The following CD109 variants were observed in gnomAD, a reference collection of about 807,000 sequenced individuals.
CD109 encodes the protein CD109 molecule.
A neutral mutation model predicts 165.8 loss-of-function variants in CD109; 149 were observed. That is an observed-to-expected ratio of 0.90 (90% CI 0.79 to 1.03). The LOEUF is 1.03. Among genes scored for constraint, CD109 ranks in the 50% least tolerant of loss-of-function variants. CD109 has a pLI of 0.00. For synonymous variants in CD109, 585 were observed against 592.1 expected, an observed-to-expected ratio of 0.99 and a Z score of 0.18; for missense variants, 1,712 against 1,677.8, an observed-to-expected ratio of 1.02 and a Z score of -0.36.
chr6:73,807,953 C>T, intron 25 of CD109, 130 bp from the exon 26 acceptor site: 1 of 685,172 alleles, frequency 1.5e-6, no homozygotes, highest in South Asian at 2.1e-5. Context: ...TTTTCATTGC[C>T]TAGTACAAGG....
chr6:73,791,528 T>A (rs1366526023), intron 22 of CD109, among the ~76,000 whole-genome samples: 6 of 151,830 alleles, frequency 4.0e-5, no homozygotes, highest in African/African-American at 1.5e-4. Flanking sequence ...ATATGTACCA[T>A]CACTCCTTAC....
intron 5 of CD109, among the ~76,000 whole-genome samples, chr6:73,747,832 C>T (rs1773035671): frequency 6.6e-6 from 1 of 151,698 alleles, no homozygotes; most frequent in Non-Finnish European, 1.5e-5. Flanking sequence ...ATATTCAGGC[C>T]TTCATCAATT....
In CD109 at chr6:73,783,877, A is replaced by G. The variant is rs149232199; in HGVS notation, c.2223+53A>G. 3.9e-3 allele frequency: 3,763 copies of G among 968,930 alleles called. 14 individuals are homozygous for G. The highest frequency in any genetic ancestry group is 5.2e-3 in the Non-Finnish European group (3,285 of 633,198). The allele number at this position is 968,930 out of a possible 1,614,324, so 60.0% of individuals were successfully genotyped here. ...TATTACGGTGACATTAAGCTAATAC[A>G]GCGTCAGCTCCTCAATTTTTTTTTT... On this transcript the variant is annotated intron_variant, in intron 19 of 32. Coordinates refer to ENST00000287097, the MANE Select transcript of CD109 (RefSeq NM_133493.5).
chr6:73,751,040 G>C (rs111901038), intron 5 of CD109, among the ~76,000 whole-genome samples: 2 of 152,134 alleles, frequency 1.3e-5, no homozygotes, highest in African/African-American at 4.8e-5. Context: ...CTTTGGTCTG[G>C]ATGCCTGCCT....
chr6:73,755,230 T>C (rs1352693248), intron 5 of CD109, among the ~76,000 whole-genome samples: 3 of 152,196 alleles, frequency 2.0e-5, no homozygotes, highest in Non-Finnish European at 4.4e-5. Flanking sequence ...TGAAAACAAT[T>C]TGAGATAGAA....
At chr6:73,782,127 A>G (rs549134225) in intron 17 of CD109, among the ~76,000 whole-genome samples, 1 of 152,206 alleles carries the variant, frequency 6.6e-6, no homozygotes, top group Non-Finnish European at 1.5e-5. Flanking sequence ...CTGTTATTCC[A>G]TGCTAAGCCC....
chr6:73,813,641 A>G (rs1299183241), intron 29 of CD109, among the ~76,000 whole-genome samples: 1 of 152,206 alleles, frequency 6.6e-6, no homozygotes, highest in Non-Finnish European at 1.5e-5. Flanking sequence ...AAGGAAGGCA[A>G]AGAAAACTCA....
chr6:73,730,220 A>C, intron 3 of CD109, 124 bp from the exon 4 acceptor site: 2 of 659,120 alleles, frequency 3.0e-6, no homozygotes, highest in Admixed American at 3.0e-5. Flanking sequence ...GGAGGGGCAA[A>C]TTTTCAACAT....
intron 2 of CD109, among the ~76,000 whole-genome samples, chr6:73,717,611 CTTTTTTTTTTTTTTTTTT>C (rs779915655): frequency 1.3e-5 from 1 of 74,812 alleles, no homozygotes; most frequent in Admixed American, 1.3e-4. Flanking sequence ...TCTACTGATT[CTTTTTTTTTTTTTTTTTT>C]TTTTTTTTGA....
chr6:73,737,621 A>G (rs1258794132), intron 5 of CD109, among the ~76,000 whole-genome samples: 1 of 152,260 alleles, frequency 6.6e-6, no homozygotes, highest in Admixed American at 6.5e-5. Flanking sequence ...CAGTGTAATA[A>G]TAACCACTGT....
intron 15 of CD109, among the ~76,000 whole-genome samples, chr6:73,776,518 C>CT (rs553901349): frequency 1.4e-5 from 2 of 146,906 alleles, no homozygotes; most frequent in Non-Finnish European, 3.0e-5. Context: ...TCCTAAAGTG[C>CT]TGGGATTGCA....
chr6:73,770,163 A>G (rs1284426236), intron 14 of CD109, among the ~76,000 whole-genome samples: 3 of 152,180 alleles, frequency 2.0e-5, no homozygotes, highest in Non-Finnish European at 4.4e-5. Flanking sequence ...CTTGATGATT[A>G]TACTTCAAAG....
At chr6:73,780,648 T>C (rs752931832) in intron 16 of CD109, 150 bp downstream of exon 16, 26 of 544,794 alleles carry the variant, frequency 4.8e-5, no homozygotes, top group Non-Finnish European at 7.3e-5. Context: ...AATGAAAAGA[T>C]AATCATCTTT....
At position 73,762,735 on chromosome 6, in the gene CD109, A is replaced by G; in HGVS notation, c.856-6A>G. The G allele has an allele frequency of 6.3e-7, 1 of 1,592,164 alleles. No homozygotes were observed. The highest frequency in any genetic ancestry group is 8.6e-7 in the Non-Finnish European group (1 of 1,168,778). ...GTAAATAATACTGAACTTTTAAACA[A>G]AACAGATAAATGGATCTGCAAACTT... On this transcript the variant is annotated splice_polypyrimidine_tract_variant and splice_region_variant and intron_variant, in intron 8 of 32. Coordinates refer to ENST00000287097, the MANE Select transcript of CD109 (RefSeq NM_133493.5).
chr6:73,751,957 A>G (rs1256458109), intron 5 of CD109, among the ~76,000 whole-genome samples: 1 of 152,138 alleles, frequency 6.6e-6, no homozygotes, highest in Non-Finnish European at 1.5e-5. Context: ...GTTGACATCT[A>G]TTGTCTTGGG....
Position 73,709,100 on chromosome 6 carries a change from C to G in CD109, c.247+11528C>G, listed in dbSNP as rs562475889. On this transcript the variant is annotated intron_variant, in intron 2 of 32. Transcript: ENST00000287097. ...CATGCCTGTGTCCTGAATGGTATTG[C>G]CTAGGTTTTCTTCTAGGGTTTTTAT... Among the ~76,000 whole-genome samples the G allele has an allele frequency of 1.9e-3, 287 of 152,228 alleles. 1 individual carries two copies. Among genetic ancestry groups the G allele is most frequent in the African/African-American group, 5.7e-3 (238 of 41,534 alleles).
the CD109 span, among the ~76,000 whole-genome samples, chr6:73,685,473 A>G: frequency 2.6e-5 from 4 of 152,100 alleles, no homozygotes; most frequent in African/African-American, 7.2e-5. Context: ...TGGATTTTGT[A>G]TCATACAACA....
At chr6:73,820,889 G>T (rs1051297646) in intron 32 of CD109, among the ~76,000 whole-genome samples, 2 of 152,238 alleles carry the variant, frequency 1.3e-5, no homozygotes, top group Admixed American at 1.3e-4. Flanking sequence ...GCAAGGTATT[G>T]CTTCTATTCC....
At chr6:73,778,694 C>T (rs1774357117) in intron 15 of CD109, among the ~76,000 whole-genome samples, 1 of 151,828 alleles carries the variant, frequency 6.6e-6, no homozygotes, top group Non-Finnish European at 1.5e-5. Flanking sequence ...CTTATTGGTG[C>T]CTGTTCTAGT....
Sources: gnomAD v4.1 joint callset for allele counts (sites outside exome capture counted in the v4.1 genomes callset) on GRCh38, gnomAD v4.1.1 for gene constraint, MANE v1.5 for transcripts, NCBI Gene and HGNC (gene_info 2026-07-23, HGNC 2026-07-21) for gene names.